Variants in FAM107B observed in about 807,000 individuals in gnomAD.
FAM107B encodes protein FAM107B.
In FAM107B, 21 loss-of-function variants were observed where a neutral mutation model predicts 31.5. The observed-to-expected ratio is 0.67, with a 90% CI of 0.47 to 0.96. The LOEUF (loss-of-function observed/expected upper bound fraction) is 0.96. FAM107B is among the 40% of genes least tolerant of loss of function. The probability of loss-of-function intolerance (pLI) is 0.00; values close to 1 mark genes in which losing one functional copy is unlikely to be tolerated. For missense variants in FAM107B, 452 were observed against 377.1 expected, an observed-to-expected ratio of 1.20 and a Z score of -1.64; for synonymous variants, 157 against 141.5, an observed-to-expected ratio of 1.11 and a Z score of -0.78.
In FAM107B at chr10:14,530,486, C is replaced by G. The variant is rs771685571; in HGVS notation, c.499G>C (p.Asp167His). Residue 167 changes from aspartate (D) to histidine (H), a missense_variant, in exon 3 of 5, where the codon GAC (aspartate) becomes CAC (histidine). Physicochemically the swap from Asp to His is moderately conservative, Grantham distance 81. Coordinates refer to ENST00000181796, the MANE Select transcript of FAM107B (RefSeq NM_031453.4). ...ATGCTTCTTGTAATGAGATATGAGT[C>G]CTTATGGTCAATATCCTCAGGTGGG... ...DSPPEDIDHKDSYLITRSIMA... is the reference protein window; with the variant it reads ...DSPPEDIDHKHSYLITRSIMA... The G allele has an allele frequency of 1.9e-6, 3 of 1,613,146 alleles. No individual in the cohort carries two copies. The South Asian group carries it at 3.3e-5, about 18-fold the overall frequency.
intron 2 of FAM107B, among the ~76,000 whole-genome samples, chr10:14,637,583 G>A (rs76937507): frequency 0.034 from 5,226 of 152,274 alleles, 107 homozygotes; most frequent in Middle Eastern, 0.058. Flanking sequence ...GGCTGAGGCT[G>A]CAATGAGCTG....
chr10:14,756,902 A>G (rs1033252021), intron 1 of FAM107B, among the ~76,000 whole-genome samples: 1 of 152,218 alleles, frequency 6.6e-6, no homozygotes, highest in Non-Finnish European at 1.5e-5. Context: ...TAGCAAACTA[A>G]CACAAGAACA....
At chr10:14,715,590 GACTA>G (rs1458018531) in intron 1 of FAM107B, among the ~76,000 whole-genome samples, 1 of 152,142 alleles carries the variant, frequency 6.6e-6, no homozygotes, top group Non-Finnish European at 1.5e-5. Flanking sequence ...TTAATTAGGA[GACTA>G]ACTAAAGAAG....
At chr10:14,648,604 T>A (rs1853825501) in intron 2 of FAM107B, among the ~76,000 whole-genome samples, 1 of 152,186 alleles carries the variant, frequency 6.6e-6, no homozygotes. Flanking sequence ...TGAATGGGCA[T>A]CTTGTGTTTT....
At chr10:14,692,091 C>A (rs557325213) in intron 1 of FAM107B, among the ~76,000 whole-genome samples, 4 of 152,096 alleles carry the variant, frequency 2.6e-5, no homozygotes, top group East Asian at 1.9e-4. Context: ...CCTGCAATTG[C>A]GGTTTAATCT....
chr10:14,732,099 G>C (rs888259335), intron 1 of FAM107B, among the ~76,000 whole-genome samples: 2 of 152,190 alleles, frequency 1.3e-5, no homozygotes, highest in African/African-American at 4.8e-5. Flanking sequence ...ACTCTCAGAA[G>C]TGCCTCAGTT....
chr10:14,738,415 T>C (rs960596148), intron 1 of FAM107B, among the ~76,000 whole-genome samples: 4 of 152,268 alleles, frequency 2.6e-5, no homozygotes, highest in Non-Finnish European at 4.4e-5. Context: ...TAACTGATAG[T>C]TGTCTTGAGT....
At chr10:14,725,894 C>T (rs1252832334) in intron 1 of FAM107B, among the ~76,000 whole-genome samples, 3 of 136,906 alleles carry the variant, frequency 2.2e-5, no homozygotes, top group Non-Finnish European at 3.0e-5. Context: ...GGCACGATCT[C>T]GGCTCACTGC....
rs573707086 is a variant in FAM107B at position 14,753,545 on chromosome 10, G to GT, written c.411+20707dup. On this transcript the variant is annotated intron_variant, in intron 1 of 4. Coordinates refer to ENST00000181796, the MANE Select transcript of FAM107B (RefSeq NM_031453.4). ...CACCAGTGTAATTATCTGGTGCTTA[G>GT]TTAACTCCCAAAGTGAAATCGAGCT... Among the ~76,000 whole-genome samples, 15 of 152,338 alleles carry GT rather than the reference G, an allele frequency of 9.8e-5. No homozygotes were observed. In the South Asian group the frequency reaches 3.1e-3, roughly 32 times the overall value.
At chr10:14,650,691 G>A (rs964394984) in intron 2 of FAM107B, among the ~76,000 whole-genome samples, 3 of 152,192 alleles carry the variant, frequency 2.0e-5, no homozygotes, top group African/African-American at 7.2e-5. Flanking sequence ...TGCATCAGTT[G>A]TTGTGTTCTG....
intron 2 of FAM107B, chr10:14,554,247 T>C: frequency 3.0e-6 from 2 of 658,032 alleles, no homozygotes; most frequent in South Asian, 6.8e-5. Flanking sequence ...ACCTACCTTA[T>C]GGCACTGCAG....
At chr10:14,549,124 C>G (rs1052114994) in intron 2 of FAM107B, among the ~76,000 whole-genome samples, 2 of 152,192 alleles carry the variant, frequency 1.3e-5, no homozygotes, top group African/African-American at 4.8e-5. Flanking sequence ...CTGCTGGCAC[C>G]TTGATCTAGG....
chr10:14,734,810 T>C (rs1856260628), intron 1 of FAM107B, among the ~76,000 whole-genome samples: 1 of 152,178 alleles, frequency 6.6e-6, no homozygotes. Flanking sequence ...AGTGGCGCGA[T>C]CTTGGCTCAC....
At chr10:14,712,288 A>ATT (rs1855667567) in intron 1 of FAM107B, among the ~76,000 whole-genome samples, 1 of 152,148 alleles carries the variant, frequency 6.6e-6, no homozygotes, top group South Asian at 2.1e-4. Flanking sequence ...AAATTAAAAA[A>ATT]AAATGTTTAA....
At chr10:14,702,121 C>T (rs1371306569) in intron 1 of FAM107B, among the ~76,000 whole-genome samples, 2 of 152,220 alleles carry the variant, frequency 1.3e-5, no homozygotes, top group East Asian at 1.9e-4. Flanking sequence ...GTTCCACAAA[C>T]GAGTGCATTT....
chr10:14,525,414 A>T (rs1846120461), intron 3 of FAM107B, among the ~76,000 whole-genome samples: 1 of 152,242 alleles, frequency 6.6e-6, no homozygotes, highest in Non-Finnish European at 1.5e-5. Flanking sequence ...TTGCAGAAAA[A>T]GAAAAGTAAT....
intron 1 of FAM107B, among the ~76,000 whole-genome samples, chr10:14,692,401 G>T (rs1452254745): frequency 6.6e-6 from 1 of 152,112 alleles, no homozygotes; most frequent in Non-Finnish European, 1.5e-5. Context: ...TGGGGCTGAG[G>T]GTGGGGTGAC....
At chr10:14,724,975 G>A (rs1855997706) in intron 1 of FAM107B, among the ~76,000 whole-genome samples, 1 of 152,182 alleles carries the variant, frequency 6.6e-6, no homozygotes. Context: ...AACTTCAAAA[G>A]GCTGCAAGGA....
intron 2 of FAM107B, among the ~76,000 whole-genome samples, chr10:14,629,968 A>G (rs902646647): frequency 3.3e-5 from 5 of 152,188 alleles, no homozygotes. Flanking sequence ...TTTCAACTTG[A>G]GATACATGAA....
Sources: gnomAD v4.1 joint callset for allele counts (sites outside exome capture counted in the v4.1 genomes callset) on GRCh38, gnomAD v4.1.1 for gene constraint, MANE v1.5 for transcripts, NCBI Gene and HGNC (gene_info 2026-07-23, HGNC 2026-07-21) for gene names.